The following CAST variants were observed in gnomAD, a reference collection of about 807,000 sequenced individuals.
CAST encodes MIR583 host.
Under a neutral mutation model 119.6 loss-of-function variants are expected in CAST, and 76 were observed. That is an observed-to-expected ratio of 0.64 (90% CI 0.53 to 0.77). The LOEUF (loss-of-function observed/expected upper bound fraction) is 0.77. Ranked by LOEUF, CAST falls within the 30% of genes least tolerant of loss-of-function variation. The pLI is 0.00. For synonymous variants in CAST, 319 were observed against 331.6 expected, an observed-to-expected ratio of 0.96 and a Z score of 0.41; for missense variants, 953 against 946.5, an observed-to-expected ratio of 1.01 and a Z score of -0.09.
chr5:96,306,645 T>C, the CAST span, among the ~76,000 whole-genome samples: 1 of 152,214 alleles, frequency 6.6e-6, no homozygotes, highest in Non-Finnish European at 1.5e-5. Context: ...TCTGGTACAT[T>C]GTGTCTTTGT....
chr5:95,994,622 T>TA, the CAST span, among the ~76,000 whole-genome samples: 2 of 152,082 alleles, frequency 1.3e-5, no homozygotes, highest in African/African-American at 4.8e-5. Flanking sequence ...ATGTTAAATT[T>TA]AACTCAGAAA....
chr5:96,577,008 A>G (rs149620330), intron 1 of CAST, among the ~76,000 whole-genome samples: 1 of 152,060 alleles, frequency 6.6e-6, no homozygotes, highest in Non-Finnish European at 1.5e-5. Flanking sequence ...AACAGGCCCC[A>G]GTGTGTGTCG....
the CAST span, among the ~76,000 whole-genome samples, chr5:96,246,345 G>A: frequency 6.6e-6 from 1 of 151,916 alleles, no homozygotes; most frequent in Non-Finnish European, 1.5e-5. Context: ...ACCATGCCCG[G>A]CTAATTTCTT....
the CAST span, chr5:96,397,205 C>T: frequency 1.3e-6 from 1 of 797,830 alleles, no homozygotes; most frequent in Non-Finnish European, 2.1e-6. Context: ...AAACACTCTA[C>T]TTTTCCCTTA....
the CAST span, among the ~76,000 whole-genome samples, chr5:96,327,751 G>A: frequency 6.6e-6 from 1 of 152,212 alleles, no homozygotes; most frequent in Non-Finnish European, 1.5e-5. Context: ...ATGGATCAGA[G>A]ATCAGAAGAG....
chr5:96,619,670 C>G (rs542499464), intron 1 of CAST, among the ~76,000 whole-genome samples: 10 of 152,300 alleles, frequency 6.6e-5, no homozygotes, highest in Non-Finnish European at 1.5e-4. Flanking sequence ...GACCACTAAC[C>G]CACCAGAAGG....
the CAST span, chr5:96,425,926 A>C: frequency 6.3e-7 from 1 of 1,593,710 alleles, no homozygotes; most frequent in South Asian, 1.1e-5. Context: ...TTCAGCCCAT[A>C]TCACCTACAA....
chr5:96,037,968 C>T, the CAST span, among the ~76,000 whole-genome samples: 4 of 152,158 alleles, frequency 2.6e-5, no homozygotes, highest in African/African-American at 9.7e-5. Context: ...TCAGATTCAT[C>T]GCAATGTTAC....
chr5:96,218,065 G>C, the CAST span, among the ~76,000 whole-genome samples: 2 of 152,142 alleles, frequency 1.3e-5, no homozygotes, highest in Non-Finnish European at 2.9e-5. Context: ...TAATAATCAA[G>C]AAAAAGTGAC....
chr5:96,513,872 C>G, the CAST span, among the ~76,000 whole-genome samples: 1 of 152,190 alleles, frequency 6.6e-6, no homozygotes, highest in African/African-American at 2.4e-5. Flanking sequence ...TCTGCAGGAC[C>G]ATGCTTTCTC....
At chr5:96,529,989 C>T in intron 1 of CAST, 1 of 257,166 alleles carries the variant, frequency 3.9e-6, no homozygotes, top group South Asian at 3.5e-5. Context: ...TTGGTGAGTT[C>T]TTCCTATGTG....
chr5:96,423,375 C>T, the CAST span: 2 of 1,614,026 alleles, frequency 1.2e-6, no homozygotes, highest in South Asian at 1.1e-5. Context: ...GTGATAACAA[C>T]TCCTTTGCCC....
chr5:95,963,155 C>A, the CAST span, among the ~76,000 whole-genome samples: 1 of 152,118 alleles, frequency 6.6e-6, no homozygotes, highest in Non-Finnish European at 1.5e-5. Context: ...AAAACTGAGA[C>A]GCTTGTTTTT....
intron 1 of CAST, among the ~76,000 whole-genome samples, chr5:96,634,851 T>C (rs535288786): frequency 9.8e-5 from 15 of 152,334 alleles, no homozygotes; most frequent in African/African-American, 3.6e-4. Flanking sequence ...AACAACAAAA[T>C]CTTTGCATTC....
At chr5:96,762,443 T>G in intron 25 of CAST, 71 bp downstream of exon 25, 3 of 1,082,040 alleles carry the variant, frequency 2.8e-6, no homozygotes, top group Non-Finnish European at 2.7e-6. Flanking sequence ...ATAGGGCGCC[T>G]GTTTAAAGCA....
chr5:96,575,185 T>C (rs1225704986), intron 1 of CAST, among the ~76,000 whole-genome samples: 1 of 152,132 alleles, frequency 6.6e-6, no homozygotes, highest in Non-Finnish European at 1.5e-5. Flanking sequence ...AATGGTATTG[T>C]ATTTTTTCAT....
At chr5:96,208,129 T>TTG in the CAST span, among the ~76,000 whole-genome samples, 5 of 151,850 alleles carry the variant, frequency 3.3e-5, no homozygotes, top group African/African-American at 1.2e-4. Flanking sequence ...CCTCTGATTT[T>TTG]TTTTTTTTTC....
chr5:96,579,311 C>T (rs1445330992), intron 1 of CAST, among the ~76,000 whole-genome samples: 4 of 152,116 alleles, frequency 2.6e-5, no homozygotes, highest in Non-Finnish European at 5.9e-5. Flanking sequence ...AGAGGCCTGG[C>T]CAATTGTTAT....
intron 1 of CAST, among the ~76,000 whole-genome samples, chr5:96,610,497 T>C (rs1284201831): frequency 6.6e-6 from 1 of 152,146 alleles, no homozygotes; most frequent in East Asian, 1.9e-4. Flanking sequence ...CTCAAGAAAG[T>C]AGGCATCAAA....
Sources: allele counts gnomAD v4.1 joint callset (sites outside exome capture counted in the v4.1 genomes callset), GRCh38; gene constraint gnomAD v4.1.1; transcripts MANE v1.5; gene names NCBI Gene and HGNC (gene_info 2026-07-23, HGNC 2026-07-21).